The following HOMER1 variants were observed in gnomAD, a reference collection of about 807,000 sequenced individuals.
HOMER1 encodes homer protein homolog 1.
A neutral mutation model predicts 48.9 loss-of-function variants in HOMER1; 3 were observed. The ratio of observed to expected loss-of-function variants is 0.06; its 90% confidence interval spans 0.03 to 0.16. The LOEUF is 0.16. Among genes scored for constraint, HOMER1 ranks in the 10% least tolerant of loss-of-function variants. HOMER1 has a pLI of 1.00. For missense variants in HOMER1, 247 were observed against 411.4 expected (o/e 0.60, Z 3.46); for synonymous variants, 134 against 146.4 (o/e 0.92, Z 0.61).
chr5:79,483,691 C>A, intron 1 of HOMER1, among the ~76,000 whole-genome samples: 1 of 149,352 alleles, frequency 6.7e-6, no homozygotes, highest in East Asian at 2.0e-4. Context: ...GGTAAATATG[C>A]AGGTAAATAC....
chr5:79,434,819 T>C (rs983058604), intron 5 of HOMER1, among the ~76,000 whole-genome samples: 1 of 152,206 alleles, frequency 6.6e-6, no homozygotes, highest in African/African-American at 2.4e-5. Flanking sequence ...TTAGTTCAGC[T>C]GTATAGCTAA....
intron 5 of HOMER1, among the ~76,000 whole-genome samples, chr5:79,426,511 T>C (rs1267802110): frequency 6.6e-6 from 1 of 151,988 alleles, no homozygotes; most frequent in African/African-American, 2.4e-5. Flanking sequence ...TGAATGGAAC[T>C]AGAGAACATT....
intron 5 of HOMER1, among the ~76,000 whole-genome samples, chr5:79,433,463 G>C (rs1750479668): frequency 6.6e-6 from 1 of 152,148 alleles, no homozygotes; most frequent in African/African-American, 2.4e-5. Flanking sequence ...AGCTACCTGG[G>C]AGGCTGAGAC....
intron 6 of HOMER1, among the ~76,000 whole-genome samples, chr5:79,399,778 CTT>C (rs376314039): frequency 2.3e-4 from 35 of 152,016 alleles, no homozygotes; most frequent in African/African-American, 8.0e-4. Flanking sequence ...TAAAATGTAA[CTT>C]ATAATCAAGA....
chr5:79,512,722 CACAT>C (rs764484385), intron 1 of HOMER1, 44 bp downstream of exon 1: 45 of 1,584,578 alleles, frequency 2.8e-5, no homozygotes, highest in Non-Finnish European at 3.9e-5. Context: ...CTCAATAATA[CACAT>C]ACATAAACAG....
At chr5:79,416,741 C>G (rs1163888966) in intron 5 of HOMER1, among the ~76,000 whole-genome samples, 3 of 152,172 alleles carry the variant, frequency 2.0e-5, no homozygotes, top group African/African-American at 7.2e-5. Context: ...CAGGAGGTCC[C>G]AGTTTCACTT....
intron 1 of HOMER1, among the ~76,000 whole-genome samples, chr5:79,505,164 C>T (rs1304439262): frequency 1.3e-5 from 2 of 152,132 alleles, no homozygotes; most frequent in African/African-American, 4.8e-5. Context: ...GAGGCTGAGG[C>T]AGGAGAATCA....
At chr5:79,436,132 C>CAA (rs11399045) in intron 5 of HOMER1, among the ~76,000 whole-genome samples, 6 of 144,972 alleles carry the variant, frequency 4.1e-5, no homozygotes, top group South Asian at 2.1e-4. Context: ...GACTCCGTCT[C>CAA]AAAAAAAATA....
chr5:79,392,927 G>A (rs1323924206), intron 8 of HOMER1, among the ~76,000 whole-genome samples: 2 of 147,754 alleles, frequency 1.4e-5, no homozygotes, highest in African/African-American at 5.0e-5. Context: ...ACTGTCTTAC[G>A]AGGGAGGGAG....
At chr5:79,382,546 T>C (rs997312620) in intron 8 of HOMER1, among the ~76,000 whole-genome samples, 1 of 152,166 alleles carries the variant, frequency 6.6e-6, no homozygotes, top group African/African-American at 2.4e-5. Flanking sequence ...TATCCAAGCA[T>C]ACTACATCCA....
Position 79,499,466 on chromosome 5 carries a change from GA to G in HOMER1, c.5+13303del, listed in dbSNP as rs1305505189. Among the ~76,000 whole-genome samples the G allele has an allele frequency of 4.6e-5, 7 of 151,826 alleles. No individual in the cohort carries two copies. In the South Asian group the frequency reaches 1.5e-3, roughly 32 times the overall value. On this transcript the variant is annotated intron_variant, in intron 1 of 8. Coordinates refer to ENST00000334082, the MANE Select transcript of HOMER1 (RefSeq NM_004272.5). ...ATACTTACAATAATGTTTTATAATT[GA>G]TTTTTTTCAATAAATATATTAGAAA... is the stretch of plus-strand genomic sequence containing the variant.
intron 1 of HOMER1, among the ~76,000 whole-genome samples, chr5:79,486,901 G>C (rs530399121): frequency 6.6e-6 from 1 of 152,326 alleles, no homozygotes; most frequent in Admixed American, 6.5e-5. Flanking sequence ...TGCATACAGA[G>C]AACGTATCAG....
intron 1 of HOMER1, among the ~76,000 whole-genome samples, chr5:79,493,319 G>A (rs529437687): frequency 6.6e-6 from 1 of 152,134 alleles, no homozygotes; most frequent in Non-Finnish European, 1.5e-5. Flanking sequence ...TCTAATCTCA[G>A]CTGGGACCTT....
At chr5:79,397,318 G>A (rs186178843) in intron 7 of HOMER1, among the ~76,000 whole-genome samples, 88 of 152,122 alleles carry the variant, frequency 5.8e-4, no homozygotes, top group African/African-American at 2.0e-3. Context: ...GTGGTATCTC[G>A]GTCTGACTGC....
intron 5 of HOMER1, among the ~76,000 whole-genome samples, chr5:79,433,245 T>C (rs1750471952): frequency 6.6e-6 from 1 of 152,194 alleles, no homozygotes; most frequent in African/African-American, 2.4e-5. Context: ...TTTTATCATC[T>C]TAAAAGTACA....
At chr5:79,510,383 CTG>C in intron 1 of HOMER1, 4 of 569,048 alleles carry the variant, frequency 7.0e-6, no homozygotes, top group South Asian at 4.5e-5. Context: ...TAAATTCATC[CTG>C]TCTCTTCAGA....
chr5:79,403,655 A>G (rs950568204), intron 5 of HOMER1, among the ~76,000 whole-genome samples: 1 of 152,176 alleles, frequency 6.6e-6, no homozygotes, highest in Non-Finnish European at 1.5e-5. Context: ...GAAAGGGAAC[A>G]TTGGTGAAAA....
At chr5:79,394,972 A>G (rs548982043) in intron 8 of HOMER1, among the ~76,000 whole-genome samples, 1 of 152,316 alleles carries the variant, frequency 6.6e-6, no homozygotes, top group East Asian at 1.9e-4. Context: ...TATAACTGAA[A>G]ATACTTTTTA....
intron 1 of HOMER1, among the ~76,000 whole-genome samples, chr5:79,467,658 G>A (rs1751509293): frequency 6.6e-6 from 1 of 152,162 alleles, no homozygotes; most frequent in Non-Finnish European, 1.5e-5. Flanking sequence ...AGTATTCCCT[G>A]TATTATTGTG....
Sources: gnomAD v4.1 joint callset for allele counts (sites outside exome capture counted in the v4.1 genomes callset) on GRCh38, gnomAD v4.1.1 for gene constraint, MANE v1.5 for transcripts, NCBI Gene and HGNC (gene_info 2026-07-23, HGNC 2026-07-21) for gene names.